CDKAL1: variants seen among roughly 807,000 people sequenced by gnomAD.
The protein encoded by CDKAL1 is CDKAL1 threonylcarbamoyladenosine tRNA methylthiotransferase, also known as threonylcarbamoyladenosine tRNA methylthiotransferase.
In CDKAL1, 32 loss-of-function variants were observed where a neutral mutation model predicts 68.2. That is an observed-to-expected ratio of 0.47 (90% CI 0.35 to 0.63). The LOEUF (loss-of-function observed/expected upper bound fraction) is 0.63, where lower values mean the gene tolerates loss of function less well. Among genes scored for constraint, CDKAL1 ranks in the 30% least tolerant of loss-of-function variants. The pLI is 0.00. For synonymous variants in CDKAL1, 234 were observed against 244.3 expected, an observed-to-expected ratio of 0.96 and a Z score of 0.39; for missense variants, 606 against 696.7, an observed-to-expected ratio of 0.87 and a Z score of 1.47.
chr6:20,807,215 G>T (rs1299994858), intron 8 of CDKAL1, among the ~76,000 whole-genome samples: 1 of 151,928 alleles, frequency 6.6e-6, no homozygotes. Context: ...TTGAGGTCAG[G>T]GCCAAAATTG....
chr6:20,829,807 C>G (rs1290910045), intron 8 of CDKAL1, among the ~76,000 whole-genome samples: 2 of 152,196 alleles, frequency 1.3e-5, no homozygotes, highest in Non-Finnish European at 2.9e-5. Flanking sequence ...CAACTATTCT[C>G]AACATGAATA....
intron 4 of CDKAL1, among the ~76,000 whole-genome samples, chr6:20,623,292 A>T (rs957243379): frequency 2.6e-5 from 4 of 152,204 alleles, no homozygotes; most frequent in African/African-American, 9.6e-5. Flanking sequence ...AAGTCTTAAG[A>T]TAATCAGTAT....
At chr6:20,601,100 G>A (rs895503906) in intron 4 of CDKAL1, among the ~76,000 whole-genome samples, 6 of 151,810 alleles carry the variant, frequency 4.0e-5, no homozygotes, top group South Asian at 2.1e-4. Flanking sequence ...TTTCTTCCTC[G>A]CTCTCTCTGT....
intron 10 of CDKAL1, among the ~76,000 whole-genome samples, chr6:20,998,239 G>C (rs1197706585): frequency 6.6e-6 from 1 of 152,140 alleles, no homozygotes; most frequent in Non-Finnish European, 1.5e-5. Context: ...CTAGCATAAG[G>C]CCAGCATATT....
intron 5 of CDKAL1, among the ~76,000 whole-genome samples, chr6:20,692,951 C>G (rs1393018350): frequency 6.6e-6 from 1 of 151,392 alleles, no homozygotes; most frequent in African/African-American, 2.4e-5. Context: ...ACGGTGAAAC[C>G]CAATCTCTAC....
intron 4 of CDKAL1, among the ~76,000 whole-genome samples, chr6:20,550,432 G>A (rs1038593855): frequency 8.5e-5 from 13 of 152,080 alleles, no homozygotes; most frequent in Admixed American, 3.9e-4. Flanking sequence ...TCAGCATGCC[G>A]GCATCTTTTT....
chr6:20,639,172 A>C (rs1179556638), intron 4 of CDKAL1, among the ~76,000 whole-genome samples: 1 of 152,204 alleles, frequency 6.6e-6, no homozygotes, highest in Non-Finnish European at 1.5e-5. Flanking sequence ...ATTTAAAAGA[A>C]AAAATCGTCT....
chr6:20,801,975 A>G (rs565397047), intron 8 of CDKAL1, among the ~76,000 whole-genome samples: 1 of 152,178 alleles, frequency 6.6e-6, no homozygotes, highest in African/African-American at 2.4e-5. Flanking sequence ...TTTTAACCAC[A>G]TGCAATATTT....
chr6:20,550,721 GT>G (rs1379589449), intron 4 of CDKAL1, among the ~76,000 whole-genome samples: 1 of 152,080 alleles, frequency 6.6e-6, no homozygotes, highest in Admixed American at 6.6e-5. Flanking sequence ...TATCTATTAT[GT>G]GTACTAAATG....
chr6:20,874,124 G>T (rs1760367955), intron 9 of CDKAL1, among the ~76,000 whole-genome samples: 2 of 152,138 alleles, frequency 1.3e-5, no homozygotes, highest in African/African-American at 4.8e-5. Context: ...GGTAGAGTTA[G>T]GGGGAGATGG....
rs555175717 is a variant in CDKAL1, at chr6:20,722,372, G to A, written c.372-17147G>A. 4.6e-5 allele frequency: 10 copies of A among 217,960 alleles called. No homozygotes were observed. The East Asian group carries it at 1.2e-3, about 26-fold the overall frequency. The allele number at this position is 217,960 out of a possible 1,614,324, so 13.5% of individuals were successfully genotyped here. On this transcript the variant is annotated intron_variant, in intron 5 of 15. Coordinates refer to ENST00000274695, the MANE Select transcript of CDKAL1 (RefSeq NM_017774.3). Reference sequence around the variant, plus strand: ...CTCTTTCTCTTCTTTTCTCCTCCCGGTTCAAAATGCTTGCTTCTCTTAATA... The same window carrying A: ...CTCTTTCTCTTCTTTTCTCCTCCCGATTCAAAATGCTTGCTTCTCTTAATA...
At chr6:21,039,792 A>G (rs1172830686) in intron 11 of CDKAL1, among the ~76,000 whole-genome samples, 7 of 152,212 alleles carry the variant, frequency 4.6e-5, no homozygotes, top group Non-Finnish European at 1.0e-4. Flanking sequence ...GGACTGAGCC[A>G]TATGAACTAA....
Position 20,628,973 on chromosome 6 carries a change from A to G in CDKAL1, c.287-20320A>G, listed in dbSNP as rs559585176. The stretch of plus-strand genomic sequence containing the variant: ...TATAAAATTATTCTCCTACGCAACT[A>G]CGACAAAGCCATCAGCAACAGGGAA... On this transcript the variant is annotated intron_variant, in intron 4 of 15. Coordinates refer to ENST00000274695, the MANE Select transcript of CDKAL1 (RefSeq NM_017774.3). 3.9e-5 allele frequency among the ~76,000 whole-genome samples: 6 copies of G among 152,288 alleles called. No homozygotes were observed. In the South Asian group the frequency reaches 8.3e-4, roughly 21 times the overall value.
At chr6:21,165,004 T>C (rs1777093905) in intron 13 of CDKAL1, among the ~76,000 whole-genome samples, 1 of 152,220 alleles carries the variant, frequency 6.6e-6, no homozygotes, top group African/African-American at 2.4e-5. Context: ...AAGATGTGGT[T>C]AATCAATGTG....
chr6:21,040,072 C>T (rs992509416), intron 11 of CDKAL1, among the ~76,000 whole-genome samples: 3 of 152,164 alleles, frequency 2.0e-5, no homozygotes, highest in South Asian at 2.1e-4. Context: ...ACTTTTGATG[C>T]GTCTCCAAAT....
intron 5 of CDKAL1, among the ~76,000 whole-genome samples, chr6:20,674,599 CCT>C (rs1770003257): frequency 6.6e-6 from 1 of 152,110 alleles, no homozygotes; most frequent in Non-Finnish European, 1.5e-5. Flanking sequence ...CATTAAAAAT[CCT>C]CTCTTCTAGC....
chr6:21,191,992 C>CTTTTTTTTTTATTTTTTTTTTTTTTT (rs1778262007), intron 13 of CDKAL1, among the ~76,000 whole-genome samples: 1 of 34,516 alleles, frequency 2.9e-5, no homozygotes, highest in Non-Finnish European at 5.5e-5. Flanking sequence ...ATTCATTTTT[C>CTTTTTTTTTTATTTTTTTTTTTTTTT]TTTTTTTTTT....
intron 9 of CDKAL1, among the ~76,000 whole-genome samples, chr6:20,869,324 GTATT>G (rs1760072049): frequency 6.6e-6 from 1 of 152,148 alleles, no homozygotes; most frequent in South Asian, 2.1e-4. Flanking sequence ...TTAAAATAGA[GTATT>G]TGTTTGATTT....
intron 7 of CDKAL1, among the ~76,000 whole-genome samples, chr6:20,768,443 C>T (rs1307180450): frequency 1.3e-5 from 2 of 152,196 alleles, no homozygotes; most frequent in Non-Finnish European, 2.9e-5. Context: ...CTTTATCTCG[C>T]ACCCCGATTT....
Sources: gnomAD v4.1 joint callset for allele counts (sites outside exome capture counted in the v4.1 genomes callset) on GRCh38, gnomAD v4.1.1 for gene constraint, MANE v1.5 for transcripts, NCBI Gene and HGNC (gene_info 2026-07-23, HGNC 2026-07-21) for gene names.